The following SLCO1B3 variants were observed in gnomAD, a reference collection of about 807,000 sequenced individuals.
SLCO1B3 encodes the protein liver-specific organic anion transporter 2.
Under a neutral mutation model 71.8 loss-of-function variants are expected in SLCO1B3, and 72 were observed. That is an observed-to-expected ratio of 1.00 (90% confidence interval 0.83 to 1.22). The LOEUF (loss-of-function observed/expected upper bound fraction) is 1.22. SLCO1B3 is among the 50% of genes most tolerant of loss of function. The probability of loss-of-function intolerance (pLI) is 0.00; values close to 1 mark genes in which losing one functional copy is unlikely to be tolerated. For synonymous variants in SLCO1B3, 298 were observed against 278.4 expected (o/e 1.07, Z -0.70); for missense variants, 911 against 819.7 (o/e 1.11, Z -1.36).
chr12:20,872,794 G>GA (rs1011142783), intron 8 of SLCO1B3, among the ~76,000 whole-genome samples: 23 of 152,012 alleles, frequency 1.5e-4, no homozygotes, highest in Admixed American at 1.5e-3. Context: ...GCTGGTATTA[G>GA]AAAAAATATT....
intron 15 of SLCO1B3, among the ~76,000 whole-genome samples, chr12:20,915,235 T>A (rs912434041): frequency 6.6e-6 from 1 of 152,124 alleles, no homozygotes; most frequent in Admixed American, 6.6e-5. Context: ...ACTTAGAGAT[T>A]GTTTCCTCAG....
intron 14 of SLCO1B3, 117 bp downstream of exon 14, chr12:20,898,617 C>T: frequency 2.1e-6 from 1 of 474,680 alleles, no homozygotes; most frequent in South Asian, 4.8e-5. Context: ...AGGTAAGAAT[C>T]ATTTCTATTT....
At chr12:20,888,670 G>A (rs1046080661) in intron 13 of SLCO1B3, among the ~76,000 whole-genome samples, 3 of 151,834 alleles carry the variant, frequency 2.0e-5, no homozygotes, top group Non-Finnish European at 4.4e-5. Flanking sequence ...CCCATTTGGA[G>A]ACCTTTTATT....
At chr12:20,838,237 G>T (rs1864725739) in intron 3 of SLCO1B3, among the ~76,000 whole-genome samples, 1 of 151,208 alleles carries the variant, frequency 6.6e-6, no homozygotes, top group African/African-American at 2.4e-5. Context: ...TCCTTGCTTT[G>T]AAGTTTGCTG....
chr12:20,839,438 G>A (rs1864750370), intron 3 of SLCO1B3, among the ~76,000 whole-genome samples: 1 of 151,946 alleles, frequency 6.6e-6, no homozygotes, highest in African/African-American at 2.4e-5. Flanking sequence ...ATAATTTTAG[G>A]TTGTTGTTTT....
At chr12:20,865,543 A>G (rs1391478649) in intron 8 of SLCO1B3, among the ~76,000 whole-genome samples, 4 of 152,026 alleles carry the variant, frequency 2.6e-5, no homozygotes, top group Non-Finnish European at 5.9e-5. Flanking sequence ...CCAAAAATAC[A>G]ATTGAACCTT....
At chr12:20,900,171 T>C (rs1866098760) in intron 14 of SLCO1B3, among the ~76,000 whole-genome samples, 1 of 152,166 alleles carries the variant, frequency 6.6e-6, no homozygotes, top group South Asian at 2.1e-4. Context: ...AATCTGCAAA[T>C]TTCTCACCCA....
At chr12:20,846,489 T>C (rs914006602) in intron 3 of SLCO1B3, among the ~76,000 whole-genome samples, 1 of 152,126 alleles carries the variant, frequency 6.6e-6, no homozygotes, top group Non-Finnish European at 1.5e-5. Flanking sequence ...ACATATATAT[T>C]TGAAGGATAT....
At chr12:20,834,069 TAA>T (rs1317061997) in intron 3 of SLCO1B3, among the ~76,000 whole-genome samples, 1 of 145,490 alleles carries the variant, frequency 6.9e-6, no homozygotes, top group Non-Finnish European at 1.5e-5. Context: ...TATAAAAATA[TAA>T]ATATATATAA....
chr12:20,903,317 A>T (rs1866167562), intron 15 of SLCO1B3, among the ~76,000 whole-genome samples: 1 of 152,234 alleles, frequency 6.6e-6, no homozygotes, highest in African/African-American at 2.4e-5. Context: ...AAGTGGAAGC[A>T]TTGAAGATGT....
chr12:20,883,303 A>AT (rs1161588858), intron 12 of SLCO1B3, 115 bp from the exon 13 acceptor site: 2 of 589,294 alleles, frequency 3.4e-6, no homozygotes, highest in Non-Finnish European at 5.3e-6. Flanking sequence ...TTTTTATAAC[A>AT]TTTTTTAAAC....
chr12:20,855,974 A>T (rs74067318), intron 4 of SLCO1B3, among the ~76,000 whole-genome samples: 12,503 of 152,050 alleles, frequency 0.082, 757 homozygotes, highest in East Asian at 0.18. Context: ...TATTTACACA[A>T]TGCTTAACTA....
intron 3 of SLCO1B3, among the ~76,000 whole-genome samples, chr12:20,828,988 T>C (rs1864485303): frequency 6.6e-6 from 1 of 152,096 alleles, no homozygotes. Flanking sequence ...TGCTGGTTGT[T>C]TTTTAATTTT....
intron 6 of SLCO1B3, among the ~76,000 whole-genome samples, chr12:20,861,810 G>T (rs1865271636): frequency 6.6e-6 from 1 of 151,888 alleles, no homozygotes; most frequent in African/African-American, 2.4e-5. Context: ...TCTTTCTGGA[G>T]ATTAATTTTC....
At chr12:20,850,252 A>ATT (rs1565588600) in intron 3 of SLCO1B3, among the ~76,000 whole-genome samples, 3 of 139,616 alleles carry the variant, frequency 2.1e-5, no homozygotes, top group East Asian at 2.0e-4. Context: ...TTTTATTATT[A>ATT]TTATTTTATT....
chr12:20,889,516 T>A (rs1042676869), intron 13 of SLCO1B3, among the ~76,000 whole-genome samples: 2 of 152,150 alleles, frequency 1.3e-5, no homozygotes, highest in African/African-American at 4.8e-5. Context: ...TCTCTGATGA[T>A]CTTTTATGTT....
chr12:20,902,096 A>T, intron 15 of SLCO1B3: 1 of 246,086 alleles, frequency 4.1e-6, no homozygotes, highest in Non-Finnish European at 8.0e-6. Context: ...TAGGAAGAAT[A>T]AATGTGTTTG....
At chr12:20,822,852 G>A (rs1864344999) in intron 3 of SLCO1B3, among the ~76,000 whole-genome samples, 1 of 152,130 alleles carries the variant, frequency 6.6e-6, no homozygotes, top group Non-Finnish European at 1.5e-5. Context: ...TGTTTCTTAT[G>A]TCATAGTGAA....
chr12:20,916,102 A>G lies in SLCO1B3; in HGVS notation c.1964A>G (p.Asp655Gly), dbSNP rs371574727. Residue 655 changes from aspartate to glycine, a missense_variant, in exon 16 of 16, where the codon GAT becomes GGT. Transcript: ENST00000381545. ...FAMKKKFQGK[D>G]TKASDNERKV... ...ATGAAGAAAAAATTTCAAGGAAAAG[A>G]TACCAAGGCATCGGACAATGAAAGA... 106 of 1,613,352 alleles carry G rather than the reference A, an allele frequency of 6.6e-5. No individual in the cohort carries two copies. The highest frequency in any genetic ancestry group is 8.8e-5 in the Non-Finnish European group (104 of 1,179,586).
Sources: gnomAD v4.1 joint callset for allele counts (sites outside exome capture counted in the v4.1 genomes callset) on GRCh38, gnomAD v4.1.1 for gene constraint, MANE v1.5 for transcripts, NCBI Gene and HGNC (gene_info 2026-07-23, HGNC 2026-07-21) for gene names.